Variants in SAMSN1 observed in about 807,000 individuals in gnomAD.
SAMSN1 encodes SAM domain-containing protein SAMSN-1.
In SAMSN1, 31 loss-of-function variants were observed where a neutral mutation model predicts 42.0. The observed-to-expected ratio is 0.74, with a 90% confidence interval of 0.55 to 1.00. The LOEUF (loss-of-function observed/expected upper bound fraction) is 1.00. SAMSN1 is among the 50% of genes least tolerant of loss of function. The probability of loss-of-function intolerance (pLI) is 0.00; values close to 1 mark genes in which losing one functional copy is unlikely to be tolerated. For synonymous variants in SAMSN1, 178 were observed against 151.9 expected, an observed-to-expected ratio of 1.17 and a Z score of -1.26; for missense variants, 464 against 439.4, an observed-to-expected ratio of 1.06 and a Z score of -0.50.
intron 1 of SAMSN1, among the ~76,000 whole-genome samples, chr21:14,531,583 C>T (rs565360281): frequency 7.2e-5 from 11 of 151,852 alleles, no homozygotes; most frequent in Non-Finnish European, 1.0e-4. Flanking sequence ...TTTAAACATA[C>T]GTGATAATTG....
In SAMSN1 at chr21:14,486,039, T is replaced by C; in HGVS notation, c.995A>G (p.Asp332Gly). 6.2e-7 allele frequency: 1 copy of C among 1,613,544 alleles called. No homozygotes were observed. Among genetic ancestry groups the C allele is most frequent in the Non-Finnish European group, 8.5e-7 (1 of 1,179,550 alleles). Reference sequence around the variant, plus strand: ...GCAACCAGAGTCCCTTGGGCAGTCATCTAACTGTGACTTATTTAAGGAGAT... The same window carrying C: ...GCAACCAGAGTCCCTTGGGCAGTCACCTAACTGTGACTTATTTAAGGAGAT... ...SDISLNKSQL[D>G]DCPRDSGCYI... The change falls in exon 8 of 8, where the codon GAT becomes GGT. Residue 332 changes from aspartate to glycine, a missense_variant. Coordinates refer to ENST00000400566, the MANE Select transcript of SAMSN1 (RefSeq NM_022136.5).
chr21:14,546,129 G>T, intron 1 of SAMSN1, 76 bp downstream of exon 1: 1 of 1,254,626 alleles, frequency 8.0e-7, no homozygotes, highest in Non-Finnish European at 1.1e-6. Flanking sequence ...AACATTGTAT[G>T]TGTTCAAACA....
chr21:14,592,633 C>A (rs1375857893), intron 7 of SAMSN1: 5 of 380,050 alleles, frequency 1.3e-5, no homozygotes, highest in East Asian at 8.5e-5. Flanking sequence ...TACATAAATT[C>A]TTGAGCCTTA....
At chr21:14,657,969 T>C (rs1983942757) in intron 1 of SAMSN1, among the ~76,000 whole-genome samples, 1 of 151,826 alleles carries the variant, frequency 6.6e-6, no homozygotes, top group African/African-American at 2.4e-5. Flanking sequence ...TAGGCCATCT[T>C]ACTTTCCCAA....
At chr21:14,527,399 G>A (rs2064022) in intron 1 of SAMSN1, among the ~76,000 whole-genome samples, 76,954 of 152,074 alleles carry the variant, frequency 0.51, 21,504 homozygotes, top group East Asian at 0.71. Flanking sequence ...TCTGTGGGGT[G>A]TCAGGAAACT....
intron 2 of SAMSN1, among the ~76,000 whole-genome samples, chr21:14,623,022 G>A (rs1250754361): frequency 6.6e-6 from 1 of 152,096 alleles, no homozygotes; most frequent in Admixed American, 6.5e-5. Context: ...GTCAAACCAA[G>A]CTTTATAAGT....
chr21:14,577,137 C>A (rs902794856), intron 2 of SAMSN1, among the ~76,000 whole-genome samples: 1 of 130,792 alleles, frequency 7.6e-6, no homozygotes. Context: ...CTCATTGCAA[C>A]CTCCACCTCC....
chr21:14,500,499 C>T (rs1285701670), intron 6 of SAMSN1, 30 bp downstream of exon 6: 2 of 1,593,308 alleles, frequency 1.3e-6, no homozygotes, highest in East Asian at 4.5e-5. Context: ...TACATGCTTC[C>T]AAAAGCAAAC....
At chr21:14,572,253 T>C (rs1371167285) in intron 2 of SAMSN1, among the ~76,000 whole-genome samples, 2 of 152,218 alleles carry the variant, frequency 1.3e-5, no homozygotes, top group African/African-American at 4.8e-5. Context: ...TTACATACAT[T>C]ATCTAGTCCA....
At chr21:14,487,672 A>G (rs1986496526) in intron 7 of SAMSN1, among the ~76,000 whole-genome samples, 1 of 152,200 alleles carries the variant, frequency 6.6e-6, no homozygotes, top group Admixed American at 6.5e-5. Flanking sequence ...CTTCAGAATG[A>G]GTCATAACAG....
At chr21:14,653,410 C>G (rs558836706) in intron 1 of SAMSN1, among the ~76,000 whole-genome samples, 2 of 152,020 alleles carry the variant, frequency 1.3e-5, no homozygotes, top group Non-Finnish European at 2.9e-5. Flanking sequence ...AGACAAACAT[C>G]GCATGTTCTC....
At position 14,500,560 on chromosome 21, in the gene SAMSN1, A is replaced by G; in HGVS notation, c.737T>C (p.Leu246Pro). 1 of 1,614,158 alleles carries G rather than the reference A, an allele frequency of 6.2e-7. No homozygotes were observed. Among genetic ancestry groups the G allele is most frequent in the Non-Finnish European group, 8.5e-7 (1 of 1,180,002 alleles). ...ATGAATCCTCTCTAGGAACTCCTGC[A>G]GAGTCTTGGATTTTTTGCTGTTACT... ...RRSNSKKSKT[L>P]QEFLERIHLQ... The change falls in exon 6 of 8, where the codon CTG becomes CCG. Residue 246 changes from leucine to proline, a missense_variant. By Grantham distance (98) the Leu-to-Pro change is moderately conservative. Coordinates refer to ENST00000400566, the MANE Select transcript of SAMSN1 (RefSeq NM_022136.5).
chr21:14,485,770 T>C lies in SAMSN1; in HGVS notation c.*142A>G, dbSNP rs1986406260. 1.7e-6 allele frequency: 1 copy of C among 601,392 alleles called. No individual in the cohort carries two copies. The allele number at this position is 601,392 out of a possible 1,614,324, so 37.3% of individuals were successfully genotyped here. A position where few individuals can be genotyped will look rare whatever the true frequency, so the allele number is the denominator to read the frequency against. ...GGAATGTTAGAGATACAAAATTTTA[T>C]GTACAATTATTCAGATTAAAACATT... is the stretch of plus-strand genomic sequence containing the variant. On this transcript the variant is annotated 3_prime_UTR_variant, in exon 8 of 8. Transcript: ENST00000400566.
chr21:14,488,548 T>C (rs1017781674), intron 7 of SAMSN1, among the ~76,000 whole-genome samples: 2 of 152,152 alleles, frequency 1.3e-5, no homozygotes, highest in Admixed American at 1.3e-4. Flanking sequence ...ATAAAGTAAA[T>C]AAATTAAAAA....
upstream of SAMSN1, among the ~76,000 whole-genome samples, chr21:14,548,761 A>G (rs1455125988): frequency 6.6e-6 from 1 of 152,054 alleles, no homozygotes; most frequent in Non-Finnish European, 1.5e-5. Context: ...TTTATCAATT[A>G]TCTACTATTT....
chr21:14,581,605 C>T (rs530718452), intron 2 of SAMSN1, among the ~76,000 whole-genome samples: 10 of 151,544 alleles, frequency 6.6e-5, no homozygotes, highest in Admixed American at 4.6e-4. Context: ...ATGATCCTCC[C>T]GCCTCGGCCT....
At chr21:14,554,549 T>G (rs1470105054) in intron 2 of SAMSN1, among the ~76,000 whole-genome samples, 2 of 152,146 alleles carry the variant, frequency 1.3e-5, no homozygotes, top group Non-Finnish European at 2.9e-5. Context: ...CAGTCTTTCA[T>G]ATTTAAGCTG....
rs546707067 is a variant in SAMSN1, at chr21:14,525,374, A to G, written c.58-4153T>C. On this transcript the variant is annotated intron_variant, in intron 1 of 7. Coordinates refer to ENST00000400566, the MANE Select transcript of SAMSN1 (RefSeq NM_022136.5). ...TAAATGTTACCAAGAAGATACAGTC[A>G]GTCGGAAAAAATACAGACAAGAAAA... Among the ~76,000 whole-genome samples, 22 of 152,364 alleles carry G rather than the reference A, an allele frequency of 1.4e-4. No homozygotes were observed. In the South Asian group the frequency reaches 2.5e-3, roughly 17 times the overall value.
intron 2 of SAMSN1, among the ~76,000 whole-genome samples, chr21:14,622,206 C>T (rs1983031565): frequency 6.6e-6 from 1 of 152,186 alleles, no homozygotes; most frequent in Non-Finnish European, 1.5e-5. Flanking sequence ...ATTCTAAAAA[C>T]CAGAGTGCCT....
Sources: allele counts gnomAD v4.1 joint callset (sites outside exome capture counted in the v4.1 genomes callset), GRCh38; gene constraint gnomAD v4.1.1; transcripts MANE v1.5; gene names NCBI Gene and HGNC (gene_info 2026-07-23, HGNC 2026-07-21).